The following WWOX variants were observed in gnomAD, a reference collection of about 807,000 sequenced individuals.
The protein encoded by WWOX is WW domain-containing oxidoreductase.
A neutral mutation model predicts 46.2 loss-of-function variants in WWOX; 69 were observed. The observed-to-expected ratio is 1.49, with a 90% CI of 1.23 to 1.82. The LOEUF is 1.82. Among genes scored for constraint, WWOX ranks in the 40% most tolerant of loss-of-function variants. The probability of loss-of-function intolerance (pLI) is 0.00; values close to 1 mark genes in which losing one functional copy is unlikely to be tolerated. For missense variants in WWOX, 919 were observed against 542.6 expected (o/e 1.69, Z -6.89); for synonymous variants, 359 against 202.6 (o/e 1.77, Z -6.56).
intron 8 of WWOX, among the ~76,000 whole-genome samples, chr16:78,912,751 C>A (rs898780905): frequency 6.6e-6 from 1 of 151,976 alleles, no homozygotes; most frequent in African/African-American, 2.4e-5. Context: ...AAAATTGATT[C>A]TCTAAAACCA....
intron 8 of WWOX, among the ~76,000 whole-genome samples, chr16:78,766,181 C>T (rs1004598879): frequency 1.3e-5 from 2 of 152,208 alleles, no homozygotes; most frequent in Non-Finnish European, 2.9e-5. Flanking sequence ...GGACATACTG[C>T]GTGCCTTGGC....
At chr16:78,888,337 C>G (rs1019330479) in intron 8 of WWOX, among the ~76,000 whole-genome samples, 1 of 152,184 alleles carries the variant, frequency 6.6e-6, no homozygotes, top group Non-Finnish European at 1.5e-5. Flanking sequence ...GTTTCCTTCT[C>G]AGAACTGAAA....
At chr16:78,231,285 G>A (rs1250548163) in intron 5 of WWOX, among the ~76,000 whole-genome samples, 1 of 152,200 alleles carries the variant, frequency 6.6e-6, no homozygotes, top group Non-Finnish European at 1.5e-5. Flanking sequence ...CTTATGAGAT[G>A]TGGCTTCGGC....
intron 8 of WWOX, among the ~76,000 whole-genome samples, chr16:78,666,960 G>A (rs1375712791): frequency 6.6e-6 from 1 of 152,124 alleles, no homozygotes; most frequent in African/African-American, 2.4e-5. Flanking sequence ...CACAAAAGGG[G>A]GTTAAAAGGG....
intron 8 of WWOX, among the ~76,000 whole-genome samples, chr16:78,461,672 ACCTT>A (rs1331555802): frequency 2.0e-5 from 3 of 152,182 alleles, no homozygotes; most frequent in Non-Finnish European, 4.4e-5. Context: ...ACGCCTGAAT[ACCTT>A]CAATGTGCCC....
intron 8 of WWOX, among the ~76,000 whole-genome samples, chr16:78,686,112 G>A (rs966682631): frequency 1.3e-5 from 2 of 152,188 alleles, no homozygotes; most frequent in Non-Finnish European, 2.9e-5. Flanking sequence ...ATACAGTCAG[G>A]ACCAGATGTT....
intron 8 of WWOX, among the ~76,000 whole-genome samples, chr16:79,023,016 T>C (rs1353662896): frequency 1.3e-5 from 2 of 152,002 alleles, no homozygotes; most frequent in African/African-American, 2.4e-5. Context: ...ACTGTGTATA[T>C]AGCCAGCACT....
chr16:78,104,366 C>A (rs2032008003), intron 1 of WWOX, among the ~76,000 whole-genome samples: 1 of 151,882 alleles, frequency 6.6e-6, no homozygotes, highest in Non-Finnish European at 1.5e-5. Context: ...CACATACACA[C>A]ACACACACAC....
At chr16:78,397,436 G>T (rs1032866164) in intron 6 of WWOX, among the ~76,000 whole-genome samples, 23 of 152,266 alleles carry the variant, frequency 1.5e-4, no homozygotes, top group African/African-American at 5.5e-4. Flanking sequence ...GTTCAGCCTG[G>T]TGCAATGATT....
intron 8 of WWOX, among the ~76,000 whole-genome samples, chr16:78,753,633 C>G (rs1280311391): frequency 6.6e-6 from 1 of 151,194 alleles, no homozygotes; most frequent in Non-Finnish European, 1.5e-5. Flanking sequence ...AATCCCATCT[C>G]TACAAAACAT....
At chr16:78,849,326 T>C (rs1285230247) in intron 8 of WWOX, among the ~76,000 whole-genome samples, 1 of 151,732 alleles carries the variant, frequency 6.6e-6, no homozygotes. Context: ...ATCCCAGCAC[T>C]TTGGGAGGCC....
intron 5 of WWOX, chr16:78,167,252 A>T (rs1266355141): frequency 6.6e-6 from 1 of 152,170 alleles, no homozygotes; most frequent in African/African-American, 2.4e-5. Context: ...TAGCGATGAG[A>T]CCTTGGGTAA....
At chr16:78,461,449 C>A (rs2083946598) in intron 8 of WWOX, among the ~76,000 whole-genome samples, 1 of 152,160 alleles carries the variant, frequency 6.6e-6, no homozygotes, top group Admixed American at 6.5e-5. Context: ...GCATGAGAAA[C>A]CCAGCCAAAC....
intron 5 of WWOX, among the ~76,000 whole-genome samples, chr16:78,319,200 C>G (rs755483189): frequency 1.1e-4 from 17 of 152,140 alleles, no homozygotes; most frequent in Non-Finnish European, 1.9e-4. Context: ...AGAAAGTAGG[C>G]AGCCTCTAGA....
chr16:79,072,022 C>T (rs1293784080), intron 8 of WWOX, among the ~76,000 whole-genome samples: 1 of 152,150 alleles, frequency 6.6e-6, no homozygotes, highest in Non-Finnish European at 1.5e-5. Flanking sequence ...GTGGCTCATG[C>T]CTGTAATCCT....
At chr16:78,418,240 T>G (rs2082843030) in intron 6 of WWOX, among the ~76,000 whole-genome samples, 1 of 151,948 alleles carries the variant, frequency 6.6e-6, no homozygotes, top group Admixed American at 6.6e-5. Flanking sequence ...GGCGGGCACC[T>G]GTAGGCCCAG....
intron 5 of WWOX, among the ~76,000 whole-genome samples, chr16:78,332,261 C>T (rs1002372067): frequency 6.6e-6 from 1 of 152,196 alleles, no homozygotes; most frequent in Non-Finnish European, 1.5e-5. Context: ...GATGGATCTA[C>T]TATTTTAGAA....
chr16:78,785,400 C>G (rs1309389712), intron 8 of WWOX, among the ~76,000 whole-genome samples: 1 of 152,202 alleles, frequency 6.6e-6, no homozygotes. Context: ...AAGGTGGTCT[C>G]ACTCTGCAAC....
At chr16:78,460,793 T>TA (rs1294977736) in intron 8 of WWOX, among the ~76,000 whole-genome samples, 1 of 152,258 alleles carries the variant, frequency 6.6e-6, no homozygotes, top group Admixed American at 6.5e-5. Flanking sequence ...CTCCTGACCA[T>TA]AAATACTAAA....
Sources: gnomAD v4.1 joint callset for allele counts (sites outside exome capture counted in the v4.1 genomes callset) on GRCh38, gnomAD v4.1.1 for gene constraint, MANE v1.5 for transcripts, NCBI Gene and HGNC (gene_info 2026-07-23, HGNC 2026-07-21) for gene names.